RBM19: variants seen among roughly 807,000 people sequenced by gnomAD.
RBM19 encodes probable RNA-binding protein 19.
A neutral mutation model predicts 116.8 loss-of-function variants in RBM19; 94 were observed. The observed-to-expected ratio is 0.80, with a 90% CI of 0.68 to 0.95. RBM19 has a LOEUF of 0.95. Among genes scored for constraint, RBM19 ranks in the 40% least tolerant of loss-of-function variants. The pLI, the probability that RBM19 is intolerant of heterozygous loss-of-function variation, is 0.00. For missense variants in RBM19, 1,161 were observed against 1,220.7 expected, an observed-to-expected ratio of 0.95 and a Z score of 0.73; for synonymous variants, 475 against 494.1, an observed-to-expected ratio of 0.96 and a Z score of 0.51.
At chr12:113,886,036 AT>A (rs577844416) in intron 21 of RBM19, among the ~76,000 whole-genome samples, 1 of 150,914 alleles carries the variant, frequency 6.6e-6, no homozygotes, top group Non-Finnish European at 1.5e-5. Context: ...TGCCCAGCTA[AT>A]TTTTTTTGTA....
At chr12:113,935,919 C>T (rs1870017392) in intron 16 of RBM19, among the ~76,000 whole-genome samples, 1 of 151,970 alleles carries the variant, frequency 6.6e-6, no homozygotes, top group Non-Finnish European at 1.5e-5. Context: ...GCCTGTAGTC[C>T]CAGCTACTCG....
At chr12:113,826,459 T>C (rs1874863560) in intron 23 of RBM19, among the ~76,000 whole-genome samples, 1 of 152,210 alleles carries the variant, frequency 6.6e-6, no homozygotes, top group South Asian at 2.1e-4. Context: ...TGTAGGTTGC[T>C]GAAGGACAAA....
At chr12:113,821,085 A>G (rs141466216), downstream of RBM19, among the ~76,000 whole-genome samples, 1 of 152,266 alleles carries the variant, frequency 6.6e-6, no homozygotes, top group African/African-American at 2.4e-5. Context: ...GAGACTGAGG[A>G]CTCAGCAGGT....
intron 21 of RBM19, among the ~76,000 whole-genome samples, chr12:113,909,047 G>A (rs991959870): frequency 6.6e-6 from 1 of 152,204 alleles, no homozygotes; most frequent in African/African-American, 2.4e-5. Context: ...AGGACCGCAG[G>A]ACAGGCTGAG....
At chr12:113,949,610 G>T (rs1027824140) in intron 9 of RBM19, among the ~76,000 whole-genome samples, 1 of 152,126 alleles carries the variant, frequency 6.6e-6, no homozygotes, top group African/African-American at 2.4e-5. Flanking sequence ...ATTGGTCAAA[G>T]AATACATCCC....
Position 113,947,404 on chromosome 12 carries a change from G to A in RBM19, c.1337C>T (p.Ala446Val), listed in dbSNP as rs61930743. 1 of 1,611,642 alleles carries A rather than the reference G, an allele frequency of 6.2e-7. No homozygotes were observed. Among genetic ancestry groups the A allele is most frequent in the African/African-American group, 1.3e-5 (1 of 74,910 alleles). ...DSLTKKPKGF[A>V]FITFMFPEHA... is the part of the protein sequence containing the mutation. ...CTCAGGGAACATGAAGGTGATGAAT[G>A]CAAAACCCTTGGGTTTCTTGGTCAG... The change falls in exon 11 of 24, where the codon GCA becomes GTA. Residue 446 changes from alanine (A) to valine (V), a missense_variant. By Grantham distance (64) the Ala-to-Val change is moderately conservative (BLOSUM62 0). Coordinates refer to ENST00000261741, the MANE Select transcript of RBM19 (RefSeq NM_016196.4).
At chr12:113,853,552 T>C (rs892729363) in intron 22 of RBM19, among the ~76,000 whole-genome samples, 3 of 152,246 alleles carry the variant, frequency 2.0e-5, no homozygotes, top group Non-Finnish European at 4.4e-5. Context: ...GTCTATTCTT[T>C]GTGGTCTTCC....
At chr12:113,820,495 C>T (rs951758122), downstream of RBM19, among the ~76,000 whole-genome samples, 4 of 152,026 alleles carry the variant, frequency 2.6e-5, no homozygotes, top group Non-Finnish European at 5.9e-5. Context: ...GGTGGGGCCT[C>T]GGTGCTGGGG....
chr12:113,950,096 G>T lies in RBM19; in HGVS notation c.1059C>A (p.Asn353Lys), dbSNP rs1478907519. ...EEEVKQALKC[N>K]REYMGGRYIE... is the part of the protein sequence containing the mutation. ...GGGCTTCCTTACCCATGTACTCCCGGTTGCATTTCAGAGCTTGCTTCACTT... is the reference window on the plus strand; with the variant it reads ...GGGCTTCCTTACCCATGTACTCCCGTTTGCATTTCAGAGCTTGCTTCACTT... The change falls in exon 9 of 24, where the codon AAC becomes AAA. Residue 353 changes from asparagine to lysine, a missense_variant. By Grantham distance (94) the Asn-to-Lys change is moderately conservative. Transcript: ENST00000261741. The T allele has an allele frequency of 6.2e-7, 1 of 1,607,860 alleles. No individual in the cohort carries two copies. Among genetic ancestry groups the T allele is most frequent in the East Asian group, 2.2e-5 (1 of 44,854 alleles).
chr12:113,920,566 C>T, intron 19 of RBM19, 45 bp downstream of exon 19: 7 of 1,551,806 alleles, frequency 4.5e-6, no homozygotes, highest in Non-Finnish European at 6.2e-6. Flanking sequence ...CTCCCACTAC[C>T]TGCCAAGTGC....
intron 21 of RBM19, among the ~76,000 whole-genome samples, chr12:113,897,475 T>A (rs1288528533): frequency 6.6e-6 from 1 of 152,204 alleles, no homozygotes; most frequent in Admixed American, 6.5e-5. Context: ...CCAGAGTGTT[T>A]AAATGACTTG....
chr12:113,926,704 T>C (rs16943411), intron 17 of RBM19, among the ~76,000 whole-genome samples: 6,435 of 152,320 alleles, frequency 0.042, 337 homozygotes, highest in Admixed American at 0.16. Flanking sequence ...TTCTCCATTA[T>C]TCCCAGCGGG....
chr12:113,823,615 C>G (rs971141233), intron 23 of RBM19, among the ~76,000 whole-genome samples: 29 of 152,096 alleles, frequency 1.9e-4, no homozygotes, highest in African/African-American at 7.0e-4. Context: ...GTCTCAGCAT[C>G]ACCATGGCGG....
intron 21 of RBM19, among the ~76,000 whole-genome samples, chr12:113,912,764 T>C (rs1218163101): frequency 6.6e-6 from 1 of 152,192 alleles, no homozygotes; most frequent in Non-Finnish European, 1.5e-5. Flanking sequence ...ATGGACCAGC[T>C]TGGTTCCCCG....
At chr12:113,854,615 G>C (rs972379423) in intron 22 of RBM19, among the ~76,000 whole-genome samples, 1 of 152,204 alleles carries the variant, frequency 6.6e-6, no homozygotes, top group African/African-American at 2.4e-5. Flanking sequence ...GGGGCTGATA[G>C]AATGTCCTAG....
rs766999662 is a variant in RBM19 at position 113,947,462 on chromosome 12, G to C, written c.1279C>G (p.Pro427Ala). The C allele has an allele frequency of 6.3e-7, 1 of 1,595,934 alleles. No individual in the cohort carries two copies. Among genetic ancestry groups the C allele is most frequent in the African/African-American group, 1.3e-5 (1 of 74,806 alleles). ...ATGGGGTAGTGGAGCTCAGACAGGG[G>C]ACCTGAGGACAGGAGAAGTGTCGGT... ...DLEKLFSKYGPLSELHYPIDS... is the reference protein window; with the variant it reads ...DLEKLFSKYGALSELHYPIDS... The change falls in exon 11 of 24, where the codon CCC (proline) becomes GCC (alanine). Residue 427 changes from proline (P) to alanine (A), a missense_variant and splice_region_variant. Physicochemically the swap from Pro to Ala is conservative, Grantham distance 27. Coordinates refer to ENST00000261741, the MANE Select transcript of RBM19 (RefSeq NM_016196.4).
At chr12:113,845,918 C>T (rs1358259207) in intron 22 of RBM19, among the ~76,000 whole-genome samples, 1 of 152,154 alleles carries the variant, frequency 6.6e-6, no homozygotes, top group East Asian at 1.9e-4. Context: ...TCTTCCTGGA[C>T]TCTGTTTCCT....
chr12:113,830,162 C>T (rs1875246238), intron 23 of RBM19, among the ~76,000 whole-genome samples: 1 of 152,180 alleles, frequency 6.6e-6, no homozygotes, highest in African/African-American at 2.4e-5. Context: ...ACTAGCCCAG[C>T]CTCCCTAGGA....
chr12:113,910,556 C>T (rs1158610543), intron 21 of RBM19, among the ~76,000 whole-genome samples: 1 of 152,202 alleles, frequency 6.6e-6, no homozygotes, highest in Admixed American at 6.5e-5. Context: ...CCAGGTGGCT[C>T]AAACAAGGCT....
Sources: allele counts gnomAD v4.1 joint callset (sites outside exome capture counted in the v4.1 genomes callset), GRCh38; gene constraint gnomAD v4.1.1; transcripts MANE v1.5; gene names NCBI Gene and HGNC (gene_info 2026-07-23, HGNC 2026-07-21).